TCF12: variants seen among roughly 807,000 people sequenced by gnomAD.
TCF12 encodes DNA-binding protein HTF4.
Under a neutral mutation model 86.0 loss-of-function variants are expected in TCF12, and 45 were observed. The observed-to-expected ratio is 0.52, with a 90% CI of 0.41 to 0.67. The LOEUF is 0.67. Among genes scored for constraint, TCF12 ranks in the 30% least tolerant of loss-of-function variants. The pLI is 0.00. For synonymous variants in TCF12, 330 were observed against 299.6 expected (o/e 1.10, Z -1.05); for missense variants, 881 against 859.9 (o/e 1.02, Z -0.31).
chr15:57,068,976 T>C (rs1291170386), intron 4 of TCF12, among the ~76,000 whole-genome samples: 2 of 152,220 alleles, frequency 1.3e-5, no homozygotes, highest in Non-Finnish European at 2.9e-5. Flanking sequence ...ATTTTCATGG[T>C]TATATTTCTT....
intron 5 of TCF12, among the ~76,000 whole-genome samples, chr15:57,098,614 G>A (rs1821615915): frequency 6.6e-6 from 1 of 152,210 alleles, no homozygotes; most frequent in African/African-American, 2.4e-5. Flanking sequence ...CAGAATGTCA[G>A]TGATACGAAT....
In TCF12 at chr15:57,282,658, G is replaced by A. The variant is rs1597903281; in HGVS notation, c.*11+60G>A. The A allele has an allele frequency of 1.2e-5, 19 of 1,554,660 alleles. No individual in the cohort carries two copies. The East Asian group carries it at 4.1e-4, about 33-fold the overall frequency. ...TAACCTTAAGATTCATCTTAAACTG[G>A]GTTAGAATCTTTGAACAGAATTCTC... On this transcript the variant is annotated intron_variant, in intron 20 of 20. Coordinates refer to ENST00000333725, the MANE Select transcript of TCF12 (RefSeq NM_207037.2).
intron 5 of TCF12, among the ~76,000 whole-genome samples, chr15:57,137,860 C>T (rs1165456176): frequency 6.6e-5 from 10 of 152,014 alleles, no homozygotes; most frequent in Non-Finnish European, 1.3e-4. Flanking sequence ...AACCCTGTCT[C>T]TACTAAAAAT....
intron 3 of TCF12, among the ~76,000 whole-genome samples, chr15:56,980,017 A>G (rs1348352441): frequency 6.6e-6 from 1 of 152,200 alleles, no homozygotes; most frequent in Non-Finnish European, 1.5e-5. Context: ...ATAGATTTAT[A>G]TCCTCATAGT....
At chr15:56,937,169 C>G (rs1424877375) in intron 3 of TCF12, among the ~76,000 whole-genome samples, 1 of 152,056 alleles carries the variant, frequency 6.6e-6, no homozygotes, top group South Asian at 2.1e-4. Flanking sequence ...GGTAGTTTTC[C>G]TTGTAGACGT....
intron 3 of TCF12, among the ~76,000 whole-genome samples, chr15:57,052,308 C>T (rs1158157100): frequency 2.6e-5 from 4 of 151,822 alleles, no homozygotes; most frequent in African/African-American, 9.7e-5. Context: ...AATGTCATGC[C>T]CTTTACCAGG....
At chr15:57,143,679 G>A (rs2053156303) in intron 5 of TCF12, among the ~76,000 whole-genome samples, 1 of 152,178 alleles carries the variant, frequency 6.6e-6, no homozygotes, top group African/African-American at 2.4e-5. Context: ...TTATTCACAT[G>A]TGCATTGCCT....
At chr15:57,185,967 A>G (rs2056644921) in intron 6 of TCF12, among the ~76,000 whole-genome samples, 1 of 152,254 alleles carries the variant, frequency 6.6e-6, no homozygotes, top group African/African-American at 2.4e-5. Context: ...AACAGTGTCA[A>G]ATTACTAAAA....
chr15:57,178,263 CT>C (rs768250489), intron 6 of TCF12, among the ~76,000 whole-genome samples: 1 of 151,996 alleles, frequency 6.6e-6, no homozygotes, highest in East Asian at 1.9e-4. Context: ...GTTAATTGTA[CT>C]TTTTTTTCCT....
At chr15:57,137,001 A>G (rs552332039) in intron 5 of TCF12, among the ~76,000 whole-genome samples, 1 of 79,512 alleles carries the variant, frequency 1.3e-5, no homozygotes, top group African/African-American at 5.8e-5. Flanking sequence ...TTTTTTTGAG[A>G]CGGAGTTTCA....
At chr15:57,001,456 A>G (rs2064030683) in intron 3 of TCF12, 2 of 173,278 alleles carry the variant, frequency 1.2e-5, no homozygotes, top group Non-Finnish European at 2.5e-5. Context: ...ATTAACAGCA[A>G]TTCGCTGACA....
At chr15:57,043,642 T>G (rs2067038034) in intron 3 of TCF12, among the ~76,000 whole-genome samples, 1 of 152,232 alleles carries the variant, frequency 6.6e-6, no homozygotes, top group Admixed American at 6.5e-5. Context: ...TTAATTGATT[T>G]AAAACAATAT....
intron 18 of TCF12, among the ~76,000 whole-genome samples, chr15:57,269,033 G>GT (rs1435895387): frequency 6.6e-6 from 1 of 152,094 alleles, no homozygotes; most frequent in African/African-American, 2.4e-5. Flanking sequence ...GTAGATGACT[G>GT]TTAAGTCCGC....
intron 13 of TCF12, among the ~76,000 whole-genome samples, chr15:57,249,220 T>C (rs1566983048): frequency 6.6e-6 from 1 of 152,200 alleles, no homozygotes; most frequent in Non-Finnish European, 1.5e-5. Context: ...TATATATTTT[T>C]CATATAGTCA....
chr15:57,243,373 G>T, intron 12 of TCF12, 99 bp from the exon 13 acceptor site: 1 of 1,001,682 alleles, frequency 1.0e-6, no homozygotes, highest in Non-Finnish European at 1.5e-6. Context: ...GAAGTCTTAG[G>T]GGTGACAACT....
At chr15:57,161,271 C>CT (rs1380569215) in intron 5 of TCF12, among the ~76,000 whole-genome samples, 3 of 152,102 alleles carry the variant, frequency 2.0e-5, no homozygotes, top group Non-Finnish European at 2.9e-5. Flanking sequence ...AGCAAGATAA[C>CT]TTTTTTTTAA....
At chr15:56,990,627 C>T (rs1394551188) in intron 3 of TCF12, among the ~76,000 whole-genome samples, 2 of 152,054 alleles carry the variant, frequency 1.3e-5, no homozygotes, top group Admixed American at 6.5e-5. Context: ...TAACACTACT[C>T]TACATATCTG....
At chr15:57,159,441 AG>A (rs1320381853) in intron 5 of TCF12, among the ~76,000 whole-genome samples, 1 of 152,246 alleles carries the variant, frequency 6.6e-6, no homozygotes, top group Non-Finnish European at 1.5e-5. Context: ...CAAAAAGGTT[AG>A]GTAAATAATG....
intron 6 of TCF12, among the ~76,000 whole-genome samples, chr15:57,178,926 C>G (rs1166545411): frequency 6.6e-6 from 1 of 151,926 alleles, no homozygotes; most frequent in Non-Finnish European, 1.5e-5. Flanking sequence ...AGCTTGTTCT[C>G]TTCATATTTC....
Sources: allele counts gnomAD v4.1 joint callset (sites outside exome capture counted in the v4.1 genomes callset), GRCh38; gene constraint gnomAD v4.1.1; transcripts MANE v1.5; gene names NCBI Gene and HGNC (gene_info 2026-07-23, HGNC 2026-07-21).